Variants in MAP2K6 observed in about 807,000 individuals in gnomAD.
The protein encoded by MAP2K6 is mitogen-activated protein kinase kinase 6, also known as dual specificity mitogen-activated protein kinase kinase 6.
MAP2K6 carries 16 observed loss-of-function variants against 53.7 expected under a neutral mutation model. That is an observed-to-expected ratio of 0.30 (90% confidence interval 0.20 to 0.45). MAP2K6 has a LOEUF of 0.45. Ranked by LOEUF, MAP2K6 falls within the 20% of genes least tolerant of loss-of-function variation. The pLI, the probability that MAP2K6 is intolerant of heterozygous loss-of-function variation, is 1.00. For synonymous variants in MAP2K6, 132 were observed against 143.1 expected (o/e 0.92, Z 0.55); for missense variants, 204 against 411.9 (o/e 0.50, Z 4.37).
rs576130593 is a variant in MAP2K6, at chr17:69,469,210, C to G, written c.17-36570C>G. Among the ~76,000 whole-genome samples, 4 of 152,352 alleles carry G rather than the reference C, an allele frequency of 2.6e-5. No homozygotes were observed. In the South Asian group the frequency reaches 6.2e-4, roughly 24 times the overall value. On this transcript the variant is annotated intron_variant, in intron 1 of 11. Transcript: ENST00000590474. ...CCCCTTCCTTCATCTTAAAAGCCTG[C>G]AAGGCTGGTCAAGTTCTTCTCACAT... is the stretch of plus-strand genomic sequence containing the variant.
At chr17:69,528,057 C>T (rs2521360) in intron 10 of MAP2K6, among the ~76,000 whole-genome samples, 87,315 of 147,162 alleles carry the variant, frequency 0.59, 25,941 homozygotes, top group Middle Eastern at 0.71. Context: ...TGCAGTGAGC[C>T]GAGATCACGC....
At chr17:69,468,849 A>C (rs1299546354) in intron 1 of MAP2K6, among the ~76,000 whole-genome samples, 6 of 152,226 alleles carry the variant, frequency 3.9e-5, no homozygotes, top group Non-Finnish European at 8.8e-5. Context: ...CAACAAAAAC[A>C]ACAAAAGGCG....
chr17:69,495,335 A>C (rs1362986436), intron 1 of MAP2K6, among the ~76,000 whole-genome samples: 2 of 151,780 alleles, frequency 1.3e-5, no homozygotes, highest in African/African-American at 4.8e-5. Context: ...TTCCAGGTTC[A>C]AGTGATTCCC....
At chr17:69,422,843 T>C (rs1906135126) in intron 1 of MAP2K6, among the ~76,000 whole-genome samples, 1 of 152,206 alleles carries the variant, frequency 6.6e-6, no homozygotes. Context: ...AAACTGCAGC[T>C]CCTGGGCCAA....
chr17:69,513,647 A>G (rs1206758064), intron 2 of MAP2K6, among the ~76,000 whole-genome samples: 1 of 152,152 alleles, frequency 6.6e-6, no homozygotes, highest in East Asian at 1.9e-4. Flanking sequence ...TTTTACAAGC[A>G]TTTAAATTTG....
In MAP2K6 at chr17:69,528,109, C is replaced by CAAAA. The variant is rs71357724; in HGVS notation, c.881+1414_881+1417dup. On this transcript the variant is annotated intron_variant, in intron 10 of 11. Transcript: ENST00000590474. ...GAGCAACAAGAATAAAACTTCGTCT[C>CAAAA]AAAAAAAAAAAAAAAAAGCTGTGAA... 3.4e-3 allele frequency among the ~76,000 whole-genome samples: 261 copies of CAAAA among 75,706 alleles called. 12 individuals are homozygous for CAAAA. Among genetic ancestry groups the CAAAA allele is most frequent in the African/African-American group, 0.014 (243 of 17,456 alleles). 49.7% of individuals were successfully genotyped at this position (75,706 alleles called of 152,430 possible).
intron 11 of MAP2K6, 26 bp from the exon 12 acceptor site, chr17:69,541,649 AC>A: frequency 6.5e-7 from 1 of 1,548,276 alleles, no homozygotes; most frequent in Non-Finnish European, 8.9e-7. Flanking sequence ...AGACATTAAT[AC>A]CATGTTTTTT....
chr17:69,445,360 C>T (rs1212198926), intron 1 of MAP2K6, among the ~76,000 whole-genome samples: 1 of 152,212 alleles, frequency 6.6e-6, no homozygotes, highest in Non-Finnish European at 1.5e-5. Flanking sequence ...AGGGCTGGCT[C>T]AGCCTTAGCT....
At chr17:69,511,108 G>T (rs1450705760) in intron 2 of MAP2K6, among the ~76,000 whole-genome samples, 1 of 151,914 alleles carries the variant, frequency 6.6e-6, no homozygotes, top group East Asian at 1.9e-4. Flanking sequence ...ATTTCGGAAG[G>T]CTACCATAAA....
rs1364190717 is a variant in MAP2K6, at chr17:69,551,210, T to A, written c.*9457T>A. On this transcript the variant is annotated 3_prime_UTR_variant, in exon 12 of 12. Transcript: ENST00000590474. Reference sequence around the variant, plus strand: ...GTTACCGTTTTTGTTCATTGACCTATCAGAAAAAAGCAAATCCTTTGGACA... The same window carrying A: ...GTTACCGTTTTTGTTCATTGACCTAACAGAAAAAAGCAAATCCTTTGGACA... 6.6e-6 allele frequency: 1 copy of A among 152,120 alleles called. No homozygotes were observed. Among genetic ancestry groups the A allele is most frequent in the African/African-American group, 2.4e-5 (1 of 41,418 alleles). 9.4% of individuals were successfully genotyped at this position (152,120 alleles called of 1,614,324 possible). A position where few individuals can be genotyped will look rare whatever the true frequency, so the allele number is the denominator to read the frequency against.
chr17:69,516,771 A>C, intron 2 of MAP2K6, 84 bp from the exon 3 acceptor site: 1 of 954,686 alleles, frequency 1.0e-6, no homozygotes. Context: ...TTAAGGAAAA[A>C]ATATCCTCAG....
chr17:69,425,553 C>T (rs1206639662), intron 1 of MAP2K6, among the ~76,000 whole-genome samples: 2 of 152,086 alleles, frequency 1.3e-5, no homozygotes, highest in South Asian at 2.1e-4. Context: ...CCTCATGATT[C>T]GCCCGCCTCG....
intron 1 of MAP2K6, 132 bp from the exon 2 acceptor site, chr17:69,505,648 T>C (rs1567844309): frequency 1.4e-6 from 1 of 721,154 alleles, no homozygotes; most frequent in Admixed American, 1.9e-5. Context: ...ACTTCCTGGG[T>C]AGGAAGTGGC....
chr17:69,531,064 T>C lies in MAP2K6; in HGVS notation c.881+4355T>C, dbSNP rs185583287. ...TAACTTCATTAAAGGACCTTTTTTT[T>C]TTTCGTGAGCTCCATGTTTTTTATA... On this transcript the variant is annotated intron_variant, in intron 10 of 11. Transcript: ENST00000590474. 1.7e-3 allele frequency among the ~76,000 whole-genome samples: 257 copies of C among 152,260 alleles called. 3 individuals are homozygous for C. In the Middle Eastern group the frequency reaches 0.044, roughly 26 times the overall value.
chr17:69,425,071 C>T (rs1906225017), intron 1 of MAP2K6, among the ~76,000 whole-genome samples: 1 of 152,180 alleles, frequency 6.6e-6, no homozygotes, highest in Non-Finnish European at 1.5e-5. Flanking sequence ...AAGAACGTGG[C>T]CAGTGTGGCA....
intron 11 of MAP2K6, among the ~76,000 whole-genome samples, chr17:69,538,282 A>G (rs780029372): frequency 6.6e-6 from 1 of 152,256 alleles, no homozygotes; most frequent in Non-Finnish European, 1.5e-5. Flanking sequence ...ACTGAAACAC[A>G]CTTGAGAAAA....
chr17:69,493,148 G>A (rs1414765335), intron 1 of MAP2K6, among the ~76,000 whole-genome samples: 3 of 152,130 alleles, frequency 2.0e-5, no homozygotes, highest in Non-Finnish European at 2.9e-5. Context: ...AATTCATTTG[G>A]AAACAAGTAG....
rs1911343150 is a variant in MAP2K6 at position 69,536,096 on chromosome 17, T to C, written c.882-19T>C. On this transcript the variant is annotated intron_variant, in intron 10 of 11. Coordinates refer to ENST00000590474, the MANE Select transcript of MAP2K6 (RefSeq NM_002758.4). ...ATATATGGCTTCTAGATTTTAATGA[T>C]TATTTTTTTTTCTTTAAGCTTAAAG... is the stretch of plus-strand genomic sequence containing the variant. The C allele has an allele frequency of 1.9e-6, 3 of 1,547,570 alleles. No homozygotes were observed. The highest frequency in any genetic ancestry group is 1.7e-5 in the Admixed American group (1 of 59,120).
At chr17:69,480,371 C>T (rs1229946610) in intron 1 of MAP2K6, among the ~76,000 whole-genome samples, 2 of 152,166 alleles carry the variant, frequency 1.3e-5, no homozygotes, top group African/African-American at 2.4e-5. Flanking sequence ...TTGGCAAGCA[C>T]GGGGAACAGG....
Sources: gnomAD v4.1 joint callset for allele counts (sites outside exome capture counted in the v4.1 genomes callset) on GRCh38, gnomAD v4.1.1 for gene constraint, MANE v1.5 for transcripts, NCBI Gene and HGNC (gene_info 2026-07-23, HGNC 2026-07-21) for gene names.